Variants in AK7 observed in about 807,000 individuals in gnomAD.
AK7 encodes adenylate kinase 7.
In AK7, 78 loss-of-function variants were observed where a neutral mutation model predicts 96.6. The ratio of observed to expected loss-of-function variants is 0.81; its 90% CI spans 0.67 to 0.97. The LOEUF is 0.97. Ranked by LOEUF, AK7 falls within the 50% of genes least tolerant of loss-of-function variation. The pLI is 0.00. For synonymous variants in AK7, 302 were observed against 317.2 expected (o/e 0.95, Z 0.51); for missense variants, 855 against 887.9 (o/e 0.96, Z 0.47).
At chr14:96,439,981 A>G (rs1892875538) in intron 6 of AK7, among the ~76,000 whole-genome samples, 2 of 151,996 alleles carry the variant, frequency 1.3e-5, no homozygotes, top group Non-Finnish European at 2.9e-5. Context: ...TTTATTATGT[A>G]TTTATTTATT....
chr14:96,478,779 G>A (rs887536900), intron 15 of AK7, 117 bp downstream of exon 15: 13 of 997,350 alleles, frequency 1.3e-5, no homozygotes, highest in Non-Finnish European at 1.9e-5. Flanking sequence ...ATGGGTTGGG[G>A]CACAGGAAGC....
intron 7 of AK7, among the ~76,000 whole-genome samples, chr14:96,446,266 G>C (rs1893226898): frequency 6.6e-6 from 1 of 152,184 alleles, no homozygotes; most frequent in Non-Finnish European, 1.5e-5. Context: ...AGATGCATCT[G>C]ACCTCAAAAG....
At position 96,451,509 on chromosome 14, in the gene AK7, C is replaced by A. The variant is rs1893604769; in HGVS notation, c.1037C>A (p.Thr346Lys). The part of the protein sequence containing the change: ...ENFNIRWAAQ[T>K]GFVENINTIL... ...TTTAATATTCGATGGGCTGCCCAAA[C>A]AGGATTTGTGGAAAATATCAACACT... Residue 346 changes from threonine (T) to lysine (K), a missense_variant, in exon 10 of 18, where the codon ACA becomes AAA. Thr to Lys is a moderately conservative substitution (Grantham distance 78). Transcript: ENST00000267584. 15 of 1,601,544 alleles carry A rather than the reference C, an allele frequency of 9.4e-6. No individual in the cohort carries two copies. The highest frequency in any genetic ancestry group is 1.3e-5 in the Non-Finnish European group (15 of 1,173,172).
intron 4 of AK7, among the ~76,000 whole-genome samples, chr14:96,417,080 G>A (rs1443135547): frequency 5.3e-5 from 8 of 152,176 alleles, no homozygotes; most frequent in Non-Finnish European, 1.2e-4. Flanking sequence ...AGGGGTGTTG[G>A]GCCAGTCACA....
intron 5 of AK7, among the ~76,000 whole-genome samples, chr14:96,428,762 T>G (rs561095031): frequency 6.6e-6 from 1 of 152,200 alleles, no homozygotes; most frequent in East Asian, 1.9e-4. Context: ...AAATGTCTTC[T>G]TTTGTAAAGT....
intron 5 of AK7, among the ~76,000 whole-genome samples, chr14:96,422,847 G>A (rs940926077): frequency 6.6e-6 from 1 of 152,034 alleles, no homozygotes; most frequent in African/African-American, 2.4e-5. Flanking sequence ...TATTTCTCTT[G>A]CCTTTCTTCA....
At chr14:96,456,692 C>G in intron 11 of AK7, 1 of 394,166 alleles carries the variant, frequency 2.5e-6, no homozygotes, top group Non-Finnish European at 4.6e-6. Flanking sequence ...GCCACACTGG[C>G]GTCAGAGAGC....
chr14:96,416,253 G>T (rs1452634607), intron 4 of AK7, among the ~76,000 whole-genome samples: 2 of 152,086 alleles, frequency 1.3e-5, no homozygotes, highest in Non-Finnish European at 2.9e-5. Context: ...TGGGTGTGGT[G>T]GTGTATGCCT....
chr14:96,392,675 T>A (rs1889822990), intron 1 of AK7, among the ~76,000 whole-genome samples: 1 of 152,144 alleles, frequency 6.6e-6, no homozygotes, highest in Admixed American at 6.5e-5. Context: ...ATCAATTTTT[T>A]TTTTTTGAGA....
intron 12 of AK7, among the ~76,000 whole-genome samples, chr14:96,459,263 G>A (rs1460841708): frequency 3.3e-5 from 5 of 151,994 alleles, no homozygotes; most frequent in African/African-American, 4.8e-5. Flanking sequence ...GCTTGAACCC[G>A]GGAGGTGGAG....
intron 4 of AK7, among the ~76,000 whole-genome samples, chr14:96,411,613 T>A (rs947411281): frequency 2.1e-4 from 32 of 152,292 alleles, no homozygotes; most frequent in African/African-American, 7.5e-4. Flanking sequence ...CAAATCTAGC[T>A]GCAATAGGAT....
At chr14:96,428,480 G>C (rs1028556561) in intron 5 of AK7, among the ~76,000 whole-genome samples, 3 of 152,202 alleles carry the variant, frequency 2.0e-5, no homozygotes. Context: ...TATATACCCA[G>C]TAATGGAATG....
chr14:96,413,933 CA>C (rs1464593940), intron 4 of AK7, among the ~76,000 whole-genome samples: 2 of 152,152 alleles, frequency 1.3e-5, no homozygotes. Flanking sequence ...ATTCCCATTC[CA>C]GGGGAAAATC....
At chr14:96,412,520 G>A (rs1454276361) in intron 4 of AK7, among the ~76,000 whole-genome samples, 6 of 139,478 alleles carry the variant, frequency 4.3e-5, no homozygotes, top group Non-Finnish European at 9.4e-5. Context: ...GAGCCACTGC[G>A]CCCGGCCGTG....
Position 96,392,194 on chromosome 14 carries a change from G to T in AK7, c.40G>T (p.Val14Phe). Residue 14 changes from valine to phenylalanine, a missense_variant, in exon 1 of 18, where the codon GTT (valine) becomes TTT (phenylalanine). By Grantham distance (50) the Val-to-Phe change is conservative (BLOSUM62 -1). Transcript: ENST00000267584. ...GGAAACTGCTGCTCTCACGGAGAAG[G>T]TTATCCGGACCCAGAGGGTGTTTAT... ...EEETAALTEK[V>F]IRTQRVFINL... is the part of the protein sequence containing the mutation. The T allele has an allele frequency of 6.2e-7, 1 of 1,613,780 alleles. No individual in the cohort carries two copies. The highest frequency in any genetic ancestry group is 2.2e-5 in the East Asian group (1 of 44,860).
At chr14:96,445,994 C>T (rs756600951) in intron 7 of AK7, among the ~76,000 whole-genome samples, 1 of 152,190 alleles carries the variant, frequency 6.6e-6, no homozygotes, top group Non-Finnish European at 1.5e-5. Flanking sequence ...CAGAAGCAAG[C>T]GCTCGGAAAC....
At chr14:96,482,004 C>G (rs1895530839) in intron 15 of AK7, among the ~76,000 whole-genome samples, 1 of 152,012 alleles carries the variant, frequency 6.6e-6, no homozygotes, top group Non-Finnish European at 1.5e-5. Flanking sequence ...CTGTTTTTTG[C>G]TTTTTTAAAG....
At chr14:96,403,011 A>G (rs906138570) in intron 2 of AK7, among the ~76,000 whole-genome samples, 1 of 151,942 alleles carries the variant, frequency 6.6e-6, no homozygotes, top group Admixed American at 6.6e-5. Flanking sequence ...GCTACTCGGG[A>G]GGCTGAGGCA....
chr14:96,441,667 A>G (rs1166245752), intron 6 of AK7, among the ~76,000 whole-genome samples: 1 of 151,562 alleles, frequency 6.6e-6, no homozygotes, highest in Non-Finnish European at 1.5e-5. Context: ...AAAAAAGAAA[A>G]CAAAATAAAA....
Sources: allele counts gnomAD v4.1 joint callset (sites outside exome capture counted in the v4.1 genomes callset), GRCh38; gene constraint gnomAD v4.1.1; transcripts MANE v1.5; gene names NCBI Gene and HGNC (gene_info 2026-07-23, HGNC 2026-07-21).